IL1RAPL2: variants seen among roughly 807,000 people sequenced by gnomAD.
IL1RAPL2 encodes the protein X-linked interleukin-1 receptor accessory protein-like 2.
A neutral mutation model predicts 44.1 loss-of-function variants in IL1RAPL2; 3 were observed. That is an observed-to-expected ratio of 0.07 (90% CI 0.03 to 0.18). The LOEUF (loss-of-function observed/expected upper bound fraction) is 0.18. Ranked by LOEUF, IL1RAPL2 falls within the 10% of genes least tolerant of loss-of-function variation. The probability of loss-of-function intolerance (pLI) is 1.00; values close to 1 mark genes in which losing one functional copy is unlikely to be tolerated. For missense variants in IL1RAPL2, 391 were observed against 496.4 expected, an observed-to-expected ratio of 0.79 and a Z score of 2.02; for synonymous variants, 181 against 178.8, an observed-to-expected ratio of 1.01 and a Z score of -0.10.
chrX:105,627,892 G>A (rs749282026), intron 6 of IL1RAPL2, among the ~76,000 whole-genome samples: 4 of 111,861 alleles, frequency 3.6e-5, no homozygotes, highest in Non-Finnish European at 7.5e-5. Flanking sequence ...TCTACATATG[G>A]CAGGTTCAGG....
intron 9 of IL1RAPL2, among the ~76,000 whole-genome samples, chrX:105,753,958 T>A (rs930116905): frequency 4.5e-5 from 5 of 111,770 alleles, no homozygotes; most frequent in Admixed American, 9.5e-5. Context: ...CTACAGCACA[T>A]CATATGTCTA....
chrX:105,426,959 T>C (rs958738622), intron 5 of IL1RAPL2, among the ~76,000 whole-genome samples: 1 of 112,600 alleles, frequency 8.9e-6, no homozygotes, highest in East Asian at 2.8e-4. Flanking sequence ...GGAAGAAATA[T>C]AAAGAAGGGA....
At chrX:104,616,893 CCT>C (rs1414557839) in intron 1 of IL1RAPL2, among the ~76,000 whole-genome samples, 2 of 112,034 alleles carry the variant, frequency 1.8e-5, no homozygotes, top group African/African-American at 6.5e-5. Context: ...TTGCAGTTCC[CCT>C]GTCTTGAGAA....
intron 2 of IL1RAPL2, among the ~76,000 whole-genome samples, chrX:104,780,265 A>G: frequency 8.9e-6 from 1 of 112,004 alleles, no homozygotes; most frequent in Non-Finnish European, 1.9e-5. Flanking sequence ...CCTAAGCCAT[A>G]TCTGTTTATT....
intron 5 of IL1RAPL2, among the ~76,000 whole-genome samples, chrX:105,358,360 C>T (rs1569428451): frequency 1.1e-5 from 1 of 87,986 alleles, no homozygotes. Context: ...AAAGTTCAGT[C>T]TTTTTTTTTT....
At chrX:105,416,365 TG>T (rs747962948) in intron 5 of IL1RAPL2, among the ~76,000 whole-genome samples, 1 of 112,032 alleles carries the variant, frequency 8.9e-6, no homozygotes, top group Non-Finnish European at 1.9e-5. Context: ...CTTCTGCCTC[TG>T]TGCCTTGTCT....
At chrX:104,671,259 C>A (rs1340916384) in intron 2 of IL1RAPL2, among the ~76,000 whole-genome samples, 1 of 110,759 alleles carries the variant, frequency 9.0e-6, no homozygotes, top group East Asian at 2.8e-4. Flanking sequence ...TTGTGCCCCT[C>A]AGTCCTATTT....
At chrX:104,675,195 T>C (rs1456030046) in intron 2 of IL1RAPL2, among the ~76,000 whole-genome samples, 1 of 110,908 alleles carries the variant, frequency 9.0e-6, no homozygotes, top group Non-Finnish European at 1.9e-5. Flanking sequence ...GATGTTAGGG[T>C]GTCAATTTTG....
chrX:105,011,670 C>T (rs1197673241), intron 2 of IL1RAPL2, among the ~76,000 whole-genome samples: 1 of 111,168 alleles, frequency 9.0e-6, no homozygotes, highest in Non-Finnish European at 1.9e-5. Flanking sequence ...GAATAATATT[C>T]CATTTTGTGG....
chrX:105,197,644 A>G (rs782529003), intron 3 of IL1RAPL2, among the ~76,000 whole-genome samples: 4 of 111,483 alleles, frequency 3.6e-5, no homozygotes, highest in Non-Finnish European at 7.5e-5. Flanking sequence ...ACATACTGAC[A>G]TGGCTATTTT....
chrX:105,644,516 A>G (rs7887482), intron 6 of IL1RAPL2, among the ~76,000 whole-genome samples: 1,941 of 111,630 alleles, frequency 0.017, 35 homozygotes, highest in African/African-American at 0.06. Context: ...AATGCCCACT[A>G]ACTTCTAAGT....
At chrX:105,397,071 C>T (rs1401385358) in intron 5 of IL1RAPL2, among the ~76,000 whole-genome samples, 7 of 110,774 alleles carry the variant, frequency 6.3e-5, no homozygotes, top group African/African-American at 2.0e-4. Context: ...AGGTTGCATG[C>T]TCCTTATGAG....
intron 2 of IL1RAPL2, among the ~76,000 whole-genome samples, chrX:105,193,866 G>A (rs2033653133): frequency 9.0e-6 from 1 of 111,702 alleles, no homozygotes; most frequent in Non-Finnish European, 1.9e-5. Context: ...TTGTTTGTTT[G>A]TTTATTTCTA....
chrX:105,640,654 G>GTATATATATATATA (rs768814568), intron 6 of IL1RAPL2, among the ~76,000 whole-genome samples: 4 of 59,475 alleles, frequency 6.7e-5, no homozygotes, highest in Non-Finnish European at 6.5e-5. Context: ...GTATGTGTGT[G>GTATATATATATATA]TATATATATA....
chrX:105,556,593 C>A (rs73529051), intron 6 of IL1RAPL2, among the ~76,000 whole-genome samples: 2,563 of 111,491 alleles, frequency 0.023, 55 homozygotes, highest in African/African-American at 0.08. Context: ...CTTAGACTCC[C>A]TTATTACACT....
chrX:105,674,109 C>A (rs1429506927), intron 6 of IL1RAPL2, among the ~76,000 whole-genome samples: 1 of 111,800 alleles, frequency 8.9e-6, no homozygotes, highest in Admixed American at 9.5e-5. Context: ...TTTTCTCCCA[C>A]TGTGTAGGTT....
chrX:105,037,916 G>C (rs1316718100), intron 2 of IL1RAPL2, among the ~76,000 whole-genome samples: 1 of 111,608 alleles, frequency 9.0e-6, no homozygotes, highest in African/African-American at 3.3e-5. Flanking sequence ...AGGAGTAGGA[G>C]GGGACACTCA....
chrX:105,641,641 G>C (rs1183541442), intron 6 of IL1RAPL2, among the ~76,000 whole-genome samples: 2 of 112,041 alleles, frequency 1.8e-5, no homozygotes. Flanking sequence ...CTAAGGACTT[G>C]ATGATAGAGG....
intron 5 of IL1RAPL2, among the ~76,000 whole-genome samples, chrX:105,374,131 A>G (rs929733148): frequency 2.9e-5 from 3 of 103,747 alleles, no homozygotes; most frequent in Non-Finnish European, 5.8e-5. Context: ...AAAAAAAAAA[A>G]AAAAAGAAAG....
Sources: gnomAD v4.1 joint callset for allele counts (sites outside exome capture counted in the v4.1 genomes callset) on GRCh38, gnomAD v4.1.1 for gene constraint, MANE v1.5 for transcripts, NCBI Gene and HGNC (gene_info 2026-07-23, HGNC 2026-07-21) for gene names.